Variants in STARD13 observed in about 807,000 individuals in gnomAD.
The protein encoded by STARD13 is stAR-related lipid transfer protein 13.
A neutral mutation model predicts 106.4 loss-of-function variants in STARD13; 62 were observed. The observed-to-expected ratio is 0.58, with a 90% CI of 0.48 to 0.72. The LOEUF (loss-of-function observed/expected upper bound fraction) is 0.72. Ranked by LOEUF, STARD13 falls within the 30% of genes least tolerant of loss-of-function variation. The pLI, the probability that STARD13 is intolerant of heterozygous loss-of-function variation, is 0.00. For synonymous variants in STARD13, 565 were observed against 553.0 expected, an observed-to-expected ratio of 1.02 and a Z score of -0.31; for missense variants, 1,387 against 1,424.0, an observed-to-expected ratio of 0.97 and a Z score of 0.42.
the STARD13 span, among the ~76,000 whole-genome samples, chr13:33,585,176 G>T: frequency 6.6e-6 from 1 of 152,204 alleles, no homozygotes; most frequent in Non-Finnish European, 1.5e-5. Flanking sequence ...CGCACTGCTT[G>T]TGGGAGTGTA....
intron 4 of STARD13, among the ~76,000 whole-genome samples, chr13:33,141,271 A>G (rs1210357599): frequency 6.6e-6 from 1 of 152,256 alleles, no homozygotes; most frequent in East Asian, 1.9e-4. Flanking sequence ...TCCGAGGTAG[A>G]AACCCTGCTC....
chr13:33,646,026 A>G, the STARD13 span, among the ~76,000 whole-genome samples: 2 of 152,210 alleles, frequency 1.3e-5, no homozygotes, highest in Non-Finnish European at 2.9e-5. Context: ...TGTCACAGAG[A>G]TAGTAATGTT....
the STARD13 span, among the ~76,000 whole-genome samples, chr13:33,586,132 A>C: frequency 6.6e-6 from 1 of 152,224 alleles, no homozygotes; most frequent in Non-Finnish European, 1.5e-5. Flanking sequence ...AAATCAAATA[A>C]AAATACAACT....
chr13:33,285,545 G>A lies in STARD13; in HGVS notation c.94C>T (p.Gln32Ter). ...CTGTAAGGAGAGCGTCTTGTAGTCT[G>A]ATCAAATCGCAAGTACATCTCCTGG... ...EGQEMYLRFD[Q>*]TTRRSPYRMS... Residue 32 changes from glutamine (Q) to a stop codon, truncating the protein, a stop_gained, in exon 1 of 14, where the codon CAG becomes TAG. Transcript: ENST00000336934. LOFTEE classifies it high-confidence loss of function. 2 of 1,614,022 alleles carry A rather than the reference G, an allele frequency of 1.2e-6. No individual in the cohort carries two copies. The highest frequency in any genetic ancestry group is 1.1e-5 in the South Asian group (1 of 91,068).
In STARD13 at chr13:33,129,615, G is replaced by T; in HGVS notation, c.1062C>A (p.His354Gln). 1 of 1,613,976 alleles carries T rather than the reference G, an allele frequency of 6.2e-7. No homozygotes were observed. The highest frequency in any genetic ancestry group is 8.5e-7 in the Non-Finnish European group (1 of 1,180,034). The change falls in exon 5 of 14, where the codon CAC becomes CAA. Residue 354 changes from histidine to glutamine, a missense_variant. His to Gln is a conservative substitution (Grantham distance 24). Transcript: ENST00000336934. The part of the protein sequence containing the change: ...STPCLKERKC[H>Q]EANKRGGMYL... ...ACATGCCCCCGCGCTTGTTGGCCTCGTGGCACTTGCGTTCCTTCAGGCAGG... is the reference window on the plus strand; with the variant it reads ...ACATGCCCCCGCGCTTGTTGGCCTCTTGGCACTTGCGTTCCTTCAGGCAGG...
the STARD13 span, among the ~76,000 whole-genome samples, chr13:33,505,880 G>T: frequency 6.6e-6 from 1 of 152,132 alleles, no homozygotes; most frequent in Non-Finnish European, 1.5e-5. Flanking sequence ...GCATCTCTGA[G>T]ACCCTTCCTG....
At chr13:33,454,146 G>A in the STARD13 span, among the ~76,000 whole-genome samples, 1 of 152,206 alleles carries the variant, frequency 6.6e-6, no homozygotes, top group East Asian at 1.9e-4. Flanking sequence ...CTCCTGATGT[G>A]AAGAACACAC....
chr13:33,671,377 T>C, the STARD13 span, among the ~76,000 whole-genome samples: 4 of 152,250 alleles, frequency 2.6e-5, no homozygotes, highest in African/African-American at 7.2e-5. Context: ...TGAATAGGAT[T>C]ATGTTTAAAA....
At chr13:33,346,783 C>T (rs545108896), downstream of STARD13, among the ~76,000 whole-genome samples, 1 of 151,890 alleles carries the variant, frequency 6.6e-6, no homozygotes, top group East Asian at 1.9e-4. Context: ...GTGCATGCCA[C>T]CATGACAGGC....
At chr13:33,245,592 T>G (rs1277565601) in intron 1 of STARD13, among the ~76,000 whole-genome samples, 1 of 152,172 alleles carries the variant, frequency 6.6e-6, no homozygotes, top group African/African-American at 2.4e-5. Flanking sequence ...GCAAACTAAT[T>G]GAAACATACA....
At chr13:33,427,314 G>A in the STARD13 span, among the ~76,000 whole-genome samples, 3 of 152,098 alleles carry the variant, frequency 2.0e-5, no homozygotes, top group Non-Finnish European at 2.9e-5. Context: ...CAAAAAGAAT[G>A]TTATTCAGTT....
the STARD13 span, among the ~76,000 whole-genome samples, chr13:33,664,481 G>T: frequency 3.3e-5 from 5 of 152,174 alleles, no homozygotes; most frequent in African/African-American, 1.2e-4. Context: ...TGCATTCACA[G>T]TTTGCTGCAT....
At chr13:33,586,675 C>G in the STARD13 span, among the ~76,000 whole-genome samples, 30 of 152,132 alleles carry the variant, frequency 2.0e-4, no homozygotes, top group African/African-American at 7.0e-4. Context: ...CTTTTCCTGT[C>G]TTGTTAATTT....
intron 1 of STARD13, among the ~76,000 whole-genome samples, chr13:33,321,126 A>G (rs1263481245): frequency 6.6e-6 from 1 of 152,210 alleles, no homozygotes; most frequent in Non-Finnish European, 1.5e-5. Flanking sequence ...TTTCTGAGAC[A>G]GATTTGTCGC....
the STARD13 span, among the ~76,000 whole-genome samples, chr13:33,593,508 A>G: frequency 1.3e-5 from 2 of 152,112 alleles, no homozygotes; most frequent in African/African-American, 4.8e-5. Context: ...AACTGTCAGA[A>G]CTTACTATGA....
the STARD13 span, among the ~76,000 whole-genome samples, chr13:33,577,130 GA>G: frequency 6.6e-6 from 1 of 152,270 alleles, no homozygotes; most frequent in East Asian, 1.9e-4. Flanking sequence ...CTTTACTGCA[GA>G]AACTTATTCT....
the STARD13 span, among the ~76,000 whole-genome samples, chr13:33,424,535 G>C: frequency 6.6e-6 from 1 of 152,176 alleles, no homozygotes; most frequent in Non-Finnish European, 1.5e-5. Context: ...ACCAAGTAGG[G>C]GTTCAATTGC....
At chr13:33,220,145 C>T (rs895136440) in intron 1 of STARD13, among the ~76,000 whole-genome samples, 2 of 152,098 alleles carry the variant, frequency 1.3e-5, no homozygotes, top group Non-Finnish European at 2.9e-5. Flanking sequence ...ACATAATAGG[C>T]ATTCAAATAT....
intron 13 of STARD13, 145 bp from the exon 14 acceptor site, chr13:33,105,855 G>A (rs1045988274): frequency 1.3e-5 from 9 of 681,280 alleles, no homozygotes; most frequent in Admixed American, 1.2e-4. Flanking sequence ...GGCTCAGGAC[G>A]TCATTCTGCC....
Sources: gnomAD v4.1 joint callset for allele counts (sites outside exome capture counted in the v4.1 genomes callset) on GRCh38, gnomAD v4.1.1 for gene constraint, MANE v1.5 for transcripts, NCBI Gene and HGNC (gene_info 2026-07-23, HGNC 2026-07-21) for gene names.